The following ZDHHC2 variants were observed in gnomAD, a reference collection of about 807,000 sequenced individuals.
ZDHHC2 encodes palmitoyltransferase ZDHHC2.
ZDHHC2 carries 51 observed loss-of-function variants against 55.6 expected under a neutral mutation model. The observed-to-expected ratio is 0.92, with a 90% CI of 0.73 to 1.16. The LOEUF is 1.16. ZDHHC2 is among the 50% of genes most tolerant of loss of function. ZDHHC2 has a pLI of 0.00. For synonymous variants in ZDHHC2, 199 were observed against 152.9 expected (o/e 1.30, Z -2.22); for missense variants, 491 against 442.4 (o/e 1.11, Z -0.99).
chr8:17,159,648 A>T (rs994386708), intron 1 of ZDHHC2, among the ~76,000 whole-genome samples: 1 of 152,166 alleles, frequency 6.6e-6, no homozygotes, highest in African/African-American at 2.4e-5. Context: ...TATAAAAATA[A>T]CCTCTCTTTT....
chr8:17,182,090 C>G (rs1182548616), intron 1 of ZDHHC2, among the ~76,000 whole-genome samples: 1 of 152,096 alleles, frequency 6.6e-6, no homozygotes, highest in Non-Finnish European at 1.5e-5. Context: ...CAAAACCTTG[C>G]ATAGTCCATA....
chr8:17,205,626 C>G (rs1448496692), intron 6 of ZDHHC2, 29 bp from the exon 7 acceptor site: 4 of 1,574,622 alleles, frequency 2.5e-6, no homozygotes, highest in Non-Finnish European at 3.4e-6. Context: ...ATGTAAAACT[C>G]ACTGGAAATG....
At chr8:17,217,734 A>G (rs1206555894) in intron 12 of ZDHHC2, among the ~76,000 whole-genome samples, 1 of 152,166 alleles carries the variant, frequency 6.6e-6, no homozygotes, top group Non-Finnish European at 1.5e-5. Flanking sequence ...GTAGGGCCTT[A>G]TAGCATGTGT....
chr8:17,179,877 A>G (rs1446185853), intron 1 of ZDHHC2, among the ~76,000 whole-genome samples: 2 of 152,236 alleles, frequency 1.3e-5, no homozygotes. Context: ...TTCTGGAGGT[A>G]TATTGGAAGA....
chr8:17,199,069 T>C (rs903155250), intron 6 of ZDHHC2, among the ~76,000 whole-genome samples: 1 of 152,190 alleles, frequency 6.6e-6, no homozygotes, highest in African/African-American at 2.4e-5. Context: ...CAGGTTGGAT[T>C]TGGGCGTGAG....
Position 17,209,969 on chromosome 8 carries a change from T to C in ZDHHC2, c.768T>C (p.Asp256=), listed in dbSNP as rs180693951. 122 of 1,611,954 alleles carry C rather than the reference T, an allele frequency of 7.6e-5. No homozygotes were observed. The African/African-American group carries it at 1.4e-3, about 19-fold the overall frequency. The stretch of plus-strand genomic sequence containing the variant: ...GTCCAGTATTTCGACATGGAACAGA[T>C]AAGAATGGATTCAGCTTGGGTTTCA... ...FRSPVFRHGT[D]KNGFSLGFSK... is the part of the protein sequence containing the mutation. Residue 256 remains aspartate (D), a synonymous_variant, in exon 9 of 13, where the codon GAT becomes GAC. Coordinates refer to ENST00000262096, the MANE Select transcript of ZDHHC2 (RefSeq NM_016353.5).
chr8:17,184,954 T>A, intron 2 of ZDHHC2, 139 bp downstream of exon 2: 1 of 735,488 alleles, frequency 1.4e-6, no homozygotes. Flanking sequence ...CTCATTTCTC[T>A]TAAGTTTGCA....
rs542854240 is a variant in ZDHHC2, at chr8:17,190,220, C to T, written c.252+3795C>T. Among the ~76,000 whole-genome samples the T allele has an allele frequency of 2.6e-5, 4 of 151,478 alleles. No homozygotes were observed. In the South Asian group the frequency reaches 8.3e-4, roughly 32 times the overall value. Reference sequence around the variant, plus strand: ...GCAGTGAGCCGAGATCGCACCACTGCACTCCAGCCTGGGCGACAGATCGAC... The same window carrying T: ...GCAGTGAGCCGAGATCGCACCACTGTACTCCAGCCTGGGCGACAGATCGAC... On this transcript the variant is annotated intron_variant, in intron 3 of 12. Coordinates refer to ENST00000262096, the MANE Select transcript of ZDHHC2 (RefSeq NM_016353.5).
At chr8:17,181,563 G>C (rs1805434387) in intron 1 of ZDHHC2, among the ~76,000 whole-genome samples, 1 of 152,106 alleles carries the variant, frequency 6.6e-6, no homozygotes, top group Non-Finnish European at 1.5e-5. Context: ...TACAACACTT[G>C]AAATTTCTCT....
chr8:17,159,533 A>G (rs568927465), intron 1 of ZDHHC2, among the ~76,000 whole-genome samples: 3 of 152,308 alleles, frequency 2.0e-5, no homozygotes, highest in African/African-American at 7.2e-5. Flanking sequence ...GAAACTGGAG[A>G]TAATGATTCT....
rs1369242404 is a variant in ZDHHC2 at position 17,221,418 on chromosome 8, A to G, written c.*1197A>G. The G allele has an allele frequency of 2.0e-5, 3 of 152,512 alleles. No homozygotes were observed. The highest frequency in any genetic ancestry group is 4.4e-5 in the Non-Finnish European group (3 of 67,966). 9.4% of individuals were successfully genotyped at this position (152,512 alleles called of 1,614,324 possible). A position where few individuals can be genotyped will look rare whatever the true frequency, so the allele number is the denominator to read the frequency against. On this transcript the variant is annotated 3_prime_UTR_variant, in exon 13 of 13. Coordinates refer to ENST00000262096, the MANE Select transcript of ZDHHC2 (RefSeq NM_016353.5). ...AAAGTTTTTTTTATTTGAGTCCAGT[A>G]TAATTCATGTAAATGTTAACAATTA...
At chr8:17,210,297 C>T (rs1352371018) in intron 9 of ZDHHC2, 91 bp from the exon 10 acceptor site, 8 of 1,317,256 alleles carry the variant, frequency 6.1e-6, no homozygotes, top group African/African-American at 3.0e-5. Context: ...TAGAGTATAG[C>T]ATGTTCTGCT....
Position 17,223,024 on chromosome 8 carries a change from C to G in ZDHHC2, c.*2803C>G, listed in dbSNP as rs770091130. 5 of 151,724 alleles carry G rather than the reference C, an allele frequency of 3.3e-5. No individual in the cohort carries two copies. Among genetic ancestry groups the G allele is most frequent in the Non-Finnish European group, 7.4e-5 (5 of 67,774 alleles). 9.4% of individuals were successfully genotyped at this position (151,724 alleles called of 1,614,324 possible). On this transcript the variant is annotated 3_prime_UTR_variant, in exon 13 of 13. Transcript: ENST00000262096. ...TTGACAAACACTTAACTAGGGAAAT[C>G]AAAGATATAAATCATGTTTATAAAA...
intron 4 of ZDHHC2, among the ~76,000 whole-genome samples, chr8:17,196,346 A>T (rs1806306805): frequency 6.6e-6 from 1 of 152,108 alleles, no homozygotes; most frequent in Admixed American, 6.5e-5. Context: ...TGCTCTAAGT[A>T]TTAAATACAC....
chr8:17,177,773 TG>T (rs1805221809), intron 1 of ZDHHC2, among the ~76,000 whole-genome samples: 1 of 151,682 alleles, frequency 6.6e-6, no homozygotes, highest in Non-Finnish European at 1.5e-5. Context: ...TGTGTGTGTG[TG>T]TTTGTGTGTG....
chr8:17,205,943 T>C (rs745387850), intron 7 of ZDHHC2, among the ~76,000 whole-genome samples, 168 bp downstream of exon 7: 18 of 152,216 alleles, frequency 1.2e-4, no homozygotes, highest in Non-Finnish European at 2.1e-4. Flanking sequence ...TAAGATGTAA[T>C]TGTAACCCCC....
intron 10 of ZDHHC2, among the ~76,000 whole-genome samples, chr8:17,212,031 A>G (rs1015925574): frequency 6.6e-6 from 1 of 152,148 alleles, no homozygotes. Flanking sequence ...CACTAAGGGC[A>G]CCATGAGATT....
chr8:17,189,605 C>T (rs188122201), intron 3 of ZDHHC2, among the ~76,000 whole-genome samples: 9 of 152,254 alleles, frequency 5.9e-5, no homozygotes, highest in African/African-American at 1.9e-4. Context: ...TCTAACTTCT[C>T]TCTAAAATTA....
chr8:17,178,631 C>T (rs1418167740), intron 1 of ZDHHC2, among the ~76,000 whole-genome samples: 1 of 152,146 alleles, frequency 6.6e-6, no homozygotes, highest in East Asian at 1.9e-4. Context: ...AGGCATCTAG[C>T]TGTGTTTGGA....
Sources: allele counts gnomAD v4.1 joint callset (sites outside exome capture counted in the v4.1 genomes callset), GRCh38; gene constraint gnomAD v4.1.1; transcripts MANE v1.5; gene names NCBI Gene and HGNC (gene_info 2026-07-23, HGNC 2026-07-21).